The following ZRANB3 variants were observed in gnomAD, a reference collection of about 807,000 sequenced individuals.
ZRANB3 encodes the protein DNA annealing helicase and endonuclease ZRANB3.
In ZRANB3, 125 loss-of-function variants were observed where a neutral mutation model predicts 133.8. That is an observed-to-expected ratio of 0.93 (90% confidence interval 0.81 to 1.08). ZRANB3 has a LOEUF of 1.08. Ranked by LOEUF, ZRANB3 falls within the 50% of genes least tolerant of loss-of-function variation. The pLI is 0.00. For missense variants in ZRANB3, 1,229 were observed against 1,275.5 expected (o/e 0.96, Z 0.56); for synonymous variants, 387 against 432.7 (o/e 0.89, Z 1.31).
intron 12 of ZRANB3, among the ~76,000 whole-genome samples, chr2:135,260,479 G>A (rs1464053142): frequency 1.3e-5 from 2 of 151,722 alleles, no homozygotes; most frequent in African/African-American, 4.8e-5. Context: ...CTTAAAAAAT[G>A]TAAATACATC....
intron 2 of ZRANB3, among the ~76,000 whole-genome samples, chr2:135,481,499 T>C (rs1040206138): frequency 1.3e-5 from 2 of 152,246 alleles, no homozygotes; most frequent in African/African-American, 4.8e-5. Context: ...GAGTTCATTG[T>C]AGATTCTGTA....
intron 2 of ZRANB3, among the ~76,000 whole-genome samples, chr2:135,457,091 T>C (rs1690554399): frequency 6.6e-6 from 1 of 152,214 alleles, no homozygotes; most frequent in Admixed American, 6.5e-5. Context: ...GCCTCTTGTG[T>C]CTGGCTTCCT....
chr2:135,330,182 G>C (rs1684065580), intron 6 of ZRANB3, among the ~76,000 whole-genome samples: 1 of 152,132 alleles, frequency 6.6e-6, no homozygotes, highest in Non-Finnish European at 1.5e-5. Flanking sequence ...TATGATATTG[G>C]CTGTGGATTG....
intron 1 of ZRANB3, among the ~76,000 whole-genome samples, chr2:135,521,475 T>C (rs1041297705): frequency 5.9e-5 from 9 of 152,162 alleles, no homozygotes; most frequent in African/African-American, 2.2e-4. Flanking sequence ...GACATTACGG[T>C]GAGCCAAGAT....
At chr2:135,495,065 T>C (rs1338576521) in intron 2 of ZRANB3, among the ~76,000 whole-genome samples, 1 of 152,000 alleles carries the variant, frequency 6.6e-6, no homozygotes, top group Non-Finnish European at 1.5e-5. Context: ...CAGAACTCTG[T>C]CTCTATAAAA....
At chr2:135,286,278 C>T (rs1372689696) in intron 8 of ZRANB3, among the ~76,000 whole-genome samples, 6 of 152,054 alleles carry the variant, frequency 3.9e-5, no homozygotes, top group African/African-American at 1.4e-4. Flanking sequence ...TACGCCTTTC[C>T]ATTTTCTTTT....
Position 135,367,787 on chromosome 2 carries a change from T to G in ZRANB3, c.181-14159A>C, listed in dbSNP as rs112264713. 3.0e-3 allele frequency among the ~76,000 whole-genome samples: 453 copies of G among 152,286 alleles called. 3 individuals are homozygous for G. The highest frequency in any genetic ancestry group is 0.01 in the African/African-American group (422 of 41,576). On this transcript the variant is annotated intron_variant, in intron 3 of 20. Transcript: ENST00000264159. The stretch of plus-strand genomic sequence containing the variant: ...ATGACAAGGTGAAAAATATTCAGTT[T>G]CTGACATTTTTATTGGATAGAGATG...
At chr2:135,310,870 AT>A (rs1406493274) in intron 8 of ZRANB3, among the ~76,000 whole-genome samples, 1 of 152,034 alleles carries the variant, frequency 6.6e-6, no homozygotes, top group Non-Finnish European at 1.5e-5. Context: ...CACATGACTG[AT>A]AACCTAAAGC....
At chr2:135,474,259 T>G (rs1400308117) in intron 2 of ZRANB3, among the ~76,000 whole-genome samples, 1 of 152,062 alleles carries the variant, frequency 6.6e-6, no homozygotes, top group Non-Finnish European at 1.5e-5. Flanking sequence ...TTAGTTCCAG[T>G]TCATTTTTAG....
At chr2:135,406,116 G>T (rs535532578) in intron 2 of ZRANB3, among the ~76,000 whole-genome samples, 3 of 151,946 alleles carry the variant, frequency 2.0e-5, no homozygotes, top group East Asian at 1.9e-4. Context: ...TCAAATAGAC[G>T]CAATAAAAAA....
chr2:135,333,577 C>A (rs1184018807), intron 6 of ZRANB3, among the ~76,000 whole-genome samples: 1 of 152,078 alleles, frequency 6.6e-6, no homozygotes, highest in East Asian at 1.9e-4. Flanking sequence ...TAAATCAAAT[C>A]TATAAATCTA....
At chr2:135,352,847 A>G (rs1416576027) in intron 4 of ZRANB3, among the ~76,000 whole-genome samples, 2 of 152,180 alleles carry the variant, frequency 1.3e-5, no homozygotes, top group African/African-American at 4.8e-5. Flanking sequence ...ATTCCATGTA[A>G]TAACTCATCA....
chr2:135,314,090 C>A (rs1683136372), intron 7 of ZRANB3, among the ~76,000 whole-genome samples: 1 of 152,198 alleles, frequency 6.6e-6, no homozygotes, highest in South Asian at 2.1e-4. Context: ...TCTCGAACTC[C>A]TAACCTCAGG....
At chr2:135,334,537 A>C (rs1684285420) in intron 6 of ZRANB3, among the ~76,000 whole-genome samples, 1 of 152,182 alleles carries the variant, frequency 6.6e-6, no homozygotes. Flanking sequence ...GAGAACATTA[A>C]ATGCAACAAT....
intron 9 of ZRANB3, among the ~76,000 whole-genome samples, chr2:135,274,753 C>G (rs1384849082): frequency 1.3e-5 from 2 of 151,994 alleles, no homozygotes; most frequent in African/African-American, 4.8e-5. Context: ...TCTGGTTTTC[C>G]TAGGCAGAGG....
At chr2:135,243,999 C>G (rs1305396695) in intron 12 of ZRANB3, among the ~76,000 whole-genome samples, 5 of 151,052 alleles carry the variant, frequency 3.3e-5, no homozygotes, top group Non-Finnish European at 5.9e-5. Flanking sequence ...ATATAATAGT[C>G]CACTATCATC....
chr2:135,341,050 G>A (rs1684632749), intron 6 of ZRANB3, among the ~76,000 whole-genome samples: 1 of 149,568 alleles, frequency 6.7e-6, no homozygotes, highest in African/African-American at 2.6e-5. Context: ...ATTTTGAGAT[G>A]GAGTCTTGCT....
chr2:135,237,977 A>G (rs1695376835), intron 12 of ZRANB3, among the ~76,000 whole-genome samples: 1 of 152,240 alleles, frequency 6.6e-6, no homozygotes, highest in Non-Finnish European at 1.5e-5. Context: ...GTTAATTAGG[A>G]CAGCTTCTTT....
At chr2:135,419,554 G>A (rs1204879767) in intron 2 of ZRANB3, among the ~76,000 whole-genome samples, 1 of 152,006 alleles carries the variant, frequency 6.6e-6, no homozygotes, top group African/African-American at 2.4e-5. Context: ...AGAAAACAAG[G>A]GTTTTTAAGG....
Sources: gnomAD v4.1 joint callset for allele counts (sites outside exome capture counted in the v4.1 genomes callset) on GRCh38, gnomAD v4.1.1 for gene constraint, MANE v1.5 for transcripts, NCBI Gene and HGNC (gene_info 2026-07-23, HGNC 2026-07-21) for gene names.